Variants in KLRC3 observed in about 807,000 individuals in gnomAD.
KLRC3 encodes the protein NKG2-E type II integral membrane protein.
Under a neutral mutation model 23.6 loss-of-function variants are expected in KLRC3, and 16 were observed. The ratio of observed to expected loss-of-function variants is 0.68; its 90% CI spans 0.46 to 1.03. KLRC3 has a LOEUF of 1.03. Among genes scored for constraint, KLRC3 ranks in the 50% least tolerant of loss-of-function variants. The probability of loss-of-function intolerance (pLI) is 0.00; values close to 1 mark genes in which losing one functional copy is unlikely to be tolerated. For synonymous variants in KLRC3, 70 were observed against 71.8 expected, an observed-to-expected ratio of 0.98 and a Z score of 0.13; for missense variants, 209 against 232.2, an observed-to-expected ratio of 0.90 and a Z score of 0.65.
At chr12:10,414,083 GT>G (rs1165511030) in intron 6 of KLRC3, among the ~76,000 whole-genome samples, 1 of 152,026 alleles carries the variant, frequency 6.6e-6, no homozygotes, top group Non-Finnish European at 1.5e-5. Context: ...AAATAAAAAC[GT>G]GGTCAAATAT....
intron 6 of KLRC3, among the ~76,000 whole-genome samples, chr12:10,414,735 A>G (rs995392324): frequency 2.0e-5 from 3 of 151,702 alleles, no homozygotes; most frequent in Non-Finnish European, 4.4e-5. Flanking sequence ...CATTGTGCAC[A>G]TGTACCCTAA....
chr12:10,418,572 C>T, intron 3 of KLRC3, 74 bp from the exon 4 acceptor site: 1 of 1,433,588 alleles, frequency 7.0e-7, no homozygotes, highest in African/African-American at 1.4e-5. Flanking sequence ...ATATTTGCAA[C>T]AGTATAAACA....
chr12:10,412,654 T>G (rs1381481973), intron 6 of KLRC3, 38 bp from the exon 7 acceptor site: 1 of 693,290 alleles, frequency 1.4e-6, no homozygotes, highest in African/African-American at 1.8e-5. Context: ...CATGATGGTA[T>G]TGGCCTGTAG....
intron 6 of KLRC3, among the ~76,000 whole-genome samples, chr12:10,415,084 A>C (rs576058081): frequency 6.6e-6 from 1 of 152,226 alleles, no homozygotes; most frequent in Non-Finnish European, 1.5e-5. Context: ...ATGATATTGT[A>C]TGGAAATGTC....
In KLRC3 at chr12:10,412,582, A is replaced by G. The variant is rs1863590457; in HGVS notation, c.713T>C (p.Leu238Ser). ...GTTGATTTCTTGAGCTCAGGAGTTC[A>G]AGACCAGCCTGGTCAACATGATGAA... ...RGFIMLTRLV[L>S]NS The change falls in exon 7 of 7, where the codon TTG becomes TCG. Residue 238 changes from leucine to serine, a missense_variant. By Grantham distance (145) the Leu-to-Ser change is moderately radical. This residue lies in a region of KLRC3 where 74 missense variants were observed against 51.0 expected (regional missense o/e 1.45). Coordinates refer to ENST00000396439, the MANE Select transcript of KLRC3 (RefSeq NM_002261.3). 1.4e-6 allele frequency: 1 copy of G among 700,778 alleles called. No homozygotes were observed. The highest frequency in any genetic ancestry group is 2.6e-6 in the Non-Finnish European group (1 of 384,490). The allele number at this position is 700,778 out of a possible 1,614,324, so 43.4% of individuals were successfully genotyped here.
Position 10,416,775 on chromosome 12 carries a change from A to AAAAGAAATAATT in KLRC3, c.487-20_487-9dup, listed in dbSNP as rs1863651139. On this transcript the variant is annotated splice_polypyrimidine_tract_variant and intron_variant, in intron 4 of 6. Coordinates refer to ENST00000396439, the MANE Select transcript of KLRC3 (RefSeq NM_002261.3). ...AATGCTGGCCAGAAATTTCTAAAAG[A>AAAAGAAATAATT]AAAGAAATAATTTTCACTTAAATAA... is the stretch of plus-strand genomic sequence containing the variant. The AAAAGAAATAATT allele has an allele frequency of 6.4e-7, 1 of 1,561,922 alleles. No individual in the cohort carries two copies. Among genetic ancestry groups the AAAAGAAATAATT allele is most frequent in the African/African-American group, 1.4e-5 (1 of 71,990 alleles).
intron 5 of KLRC3, 84 bp downstream of exon 5, chr12:10,416,583 A>G (rs547159214): frequency 1.4e-6 from 2 of 1,447,608 alleles, no homozygotes; most frequent in Non-Finnish European, 9.3e-7. Flanking sequence ...CTTCATATCA[A>G]TGATTCCACA....
rs550990446 is a variant in KLRC3, at chr12:10,420,593, T to G, written c.-43A>C. ...GTGAGGGACTGTGCTCTATGATAAC[T>G]GCACTTAAGAAGCTATAAATGGTGT... On this transcript the variant is annotated 5_prime_UTR_variant, in exon 1 of 7. Coordinates refer to ENST00000396439, the MANE Select transcript of KLRC3 (RefSeq NM_002261.3). 94 of 1,534,718 alleles carry G rather than the reference T, an allele frequency of 6.1e-5. No individual in the cohort carries two copies. The African/African-American group carries it at 1.2e-3, about 20-fold the overall frequency.
chr12:10,412,409 G>C lies in KLRC3; in HGVS notation c.*163C>G. The stretch of plus-strand genomic sequence containing the variant: ...TAATGCTTAAATCAAACTATATAGA[G>C]AGGGAAAAGTAATTTTTAAAACATC... On this transcript the variant is annotated 3_prime_UTR_variant, in exon 7 of 7. Coordinates refer to ENST00000396439, the MANE Select transcript of KLRC3 (RefSeq NM_002261.3). The C allele has an allele frequency of 1.6e-6, 1 of 629,950 alleles. No homozygotes were observed. The highest frequency in any genetic ancestry group is 2.8e-6 in the Non-Finnish European group (1 of 356,102). 39.0% of individuals were successfully genotyped at this position (629,950 alleles called of 1,614,324 possible).
intron 6 of KLRC3, 38 bp from the exon 7 acceptor site, chr12:10,412,654 T>C (rs1381481973): frequency 5.8e-6 from 4 of 693,408 alleles, no homozygotes; most frequent in Admixed American, 2.0e-5. Flanking sequence ...CATGATGGTA[T>C]TGGCCTGTAG....
At chr12:10,415,587 TAAC>T in intron 6 of KLRC3, 114 bp downstream of exon 6, 1 of 1,476,860 alleles carries the variant, frequency 6.8e-7, no homozygotes, top group Non-Finnish European at 9.2e-7. Flanking sequence ...TTAGAGCAAA[TAAC>T]ACAATTCATT....
chr12:10,415,770 T>C lies in KLRC3; in HGVS notation c.612A>G (p.Glu204=). 6.2e-7 allele frequency: 1 copy of C among 1,611,858 alleles called. No homozygotes were observed. Among genetic ancestry groups the C allele is most frequent in the Non-Finnish European group, 8.5e-7 (1 of 1,179,078 alleles). ...GTACATGTAGCATTGCACAGTTACG[T>C]TCAGCATGATCTGAGTCTTTTATCC... is the stretch of plus-strand genomic sequence containing the variant. ...KHEIKDSDHA[E]RNCAMLHVRG... Residue 204 remains glutamate, a synonymous_variant, in exon 6 of 7, where the codon GAA becomes GAG. Coordinates refer to ENST00000396439, the MANE Select transcript of KLRC3 (RefSeq NM_002261.3).
intron 5 of KLRC3, 115 bp from the exon 6 acceptor site, chr12:10,415,909 T>G (rs1863635586): frequency 1.4e-6 from 1 of 723,614 alleles, no homozygotes; most frequent in African/African-American, 1.8e-5. Flanking sequence ...TAATTAAATT[T>G]TTCATATGCT....
At chr12:10,415,896 G>T (rs1353235000) in intron 5 of KLRC3, 102 bp from the exon 6 acceptor site, 1 of 850,448 alleles carries the variant, frequency 1.2e-6, no homozygotes, top group South Asian at 1.6e-5. Flanking sequence ...TTATGAAAAA[G>T]GGTAATTAAA....
chr12:10,413,544 T>G (rs1377874216), intron 6 of KLRC3, among the ~76,000 whole-genome samples: 1 of 152,196 alleles, frequency 6.6e-6, no homozygotes, highest in African/African-American at 2.4e-5. Flanking sequence ...AAATTCAGTT[T>G]AGCCATAAAC....
At chr12:10,415,976 G>A (rs1371491983) in intron 5 of KLRC3, among the ~76,000 whole-genome samples, 182 bp from the exon 6 acceptor site, 2 of 152,070 alleles carry the variant, frequency 1.3e-5, no homozygotes, top group African/African-American at 4.8e-5. Context: ...TCATCCACGG[G>A]GGATATGTTT....
chr12:10,415,777 T>C lies in KLRC3; in HGVS notation c.605A>G (p.His202Arg), dbSNP rs773827406. ...TAGCATTGCACAGTTACGTTCAGCA[T>C]GATCTGAGTCTTTTATCCTGTAATG... ...AFKHEIKDSD[H>R]AERNCAMLHV... is the part of the protein sequence containing the mutation. Residue 202 changes from histidine to arginine, a missense_variant, in exon 6 of 7, where the codon CAT (histidine) becomes CGT (arginine). This residue lies in a region of KLRC3 where 74 missense variants were observed against 51.0 expected (regional missense o/e 1.45). Coordinates refer to ENST00000396439, the MANE Select transcript of KLRC3 (RefSeq NM_002261.3). The C allele has an allele frequency of 4.3e-6, 7 of 1,611,050 alleles. No homozygotes were observed. Among genetic ancestry groups the C allele is most frequent in the Middle Eastern group, 1.7e-4 (1 of 6,030 alleles).
At chr12:10,417,804 G>A (rs554504352) in intron 4 of KLRC3, among the ~76,000 whole-genome samples, 97 of 152,260 alleles carry the variant, frequency 6.4e-4, no homozygotes, top group African/African-American at 2.2e-3. Flanking sequence ...ACAGATAACC[G>A]CAATAATATG....
intron 5 of KLRC3, 50 bp downstream of exon 5, chr12:10,416,617 T>C (rs753822334): frequency 6.4e-7 from 1 of 1,551,808 alleles, no homozygotes; most frequent in Non-Finnish European, 8.7e-7. Flanking sequence ...ATTATTCTTC[T>C]GAATTTATCC....
Sources: gnomAD v4.1 joint callset for allele counts (sites outside exome capture counted in the v4.1 genomes callset) on GRCh38, gnomAD v4.1.1 for gene constraint, gnomAD v4.1.1 regional missense constraint, MANE v1.5 for transcripts, NCBI Gene and HGNC (gene_info 2026-07-23, HGNC 2026-07-21) for gene names.